The following ADAM12 variants were observed in gnomAD, a reference collection of about 807,000 sequenced individuals.
ADAM12 encodes the protein ADAM metallopeptidase domain 12.
ADAM12 carries 70 observed loss-of-function variants against 106.4 expected under a neutral mutation model. The ratio of observed to expected loss-of-function variants is 0.66; its 90% CI spans 0.54 to 0.80. ADAM12 has a LOEUF of 0.80. Ranked by LOEUF, ADAM12 falls within the 30% of genes least tolerant of loss-of-function variation. The pLI, the probability that ADAM12 is intolerant of heterozygous loss-of-function variation, is 0.00. For synonymous variants in ADAM12, 420 were observed against 433.5 expected, an observed-to-expected ratio of 0.97 and a Z score of 0.39; for missense variants, 1,010 against 1,171.9, an observed-to-expected ratio of 0.86 and a Z score of 2.02.
intron 1 of ADAM12, among the ~76,000 whole-genome samples, chr10:126,381,973 T>G (rs1230499875): frequency 3.8e-5 from 3 of 78,256 alleles, no homozygotes; most frequent in African/African-American, 1.3e-4. Flanking sequence ...AGACCCTGTC[T>G]CAAAAAAAAA....
chr10:126,200,165 A>G lies in ADAM12; in HGVS notation c.261-44860T>C, dbSNP rs146935235. 3.7e-3 allele frequency among the ~76,000 whole-genome samples: 563 copies of G among 152,236 alleles called. 1 individual carries two copies. The highest frequency in any genetic ancestry group is 0.01 in the Middle Eastern group (3 of 294). On this transcript the variant is annotated intron_variant, in intron 3 of 22. Transcript: ENST00000448723. ...CACATAATGAGGTGGAACAGGTGCAAGCTGTTAAGGTTGGCAAGAAGTGCA... is the reference window on the plus strand; with the variant it reads ...CACATAATGAGGTGGAACAGGTGCAGGCTGTTAAGGTTGGCAAGAAGTGCA...
intron 2 of ADAM12, among the ~76,000 whole-genome samples, chr10:126,307,480 A>G (rs965289126): frequency 2.6e-5 from 4 of 151,794 alleles, no homozygotes; most frequent in South Asian, 2.1e-4. Flanking sequence ...CAGCCTCCCA[A>G]CTAGCTGAGA....
intron 3 of ADAM12, among the ~76,000 whole-genome samples, chr10:126,173,326 A>T (rs1227775662): frequency 6.6e-6 from 1 of 152,232 alleles, no homozygotes; most frequent in African/African-American, 2.4e-5. Flanking sequence ...GACCTCAGAA[A>T]GGGGAGAACC....
Position 126,064,689 on chromosome 10 carries a change from T to C in ADAM12, c.1609+117A>G, listed in dbSNP as rs987206599. ...ACTCCCGACTGAACACACCGGATGC[T>C]GTGTGGACAGCGCCCGCCAGGAGTG... On this transcript the variant is annotated intron_variant, in intron 14 of 22. Transcript: ENST00000448723. This position sits in a 1 kb window ranked among gnomAD's most constrained non-coding sequence, Gnocchi z 4.4. 9.0e-7 allele frequency: 1 copy of C among 1,108,218 alleles called. No individual in the cohort carries two copies. Among genetic ancestry groups the C allele is most frequent in the Non-Finnish European group, 1.3e-6 (1 of 780,912 alleles). 68.6% of individuals were successfully genotyped at this position (1,108,218 alleles called of 1,614,324 possible). A position where few individuals can be genotyped will look rare whatever the true frequency, so the allele number is the denominator to read the frequency against.
In ADAM12 at chr10:126,039,431, T is replaced by C. The variant is rs1272669191; in HGVS notation, c.2105-2A>G. On this transcript the variant is annotated splice_acceptor_variant, in intron 18 of 22. Coordinates refer to ENST00000448723, the MANE Select transcript of ADAM12 (RefSeq NM_001288973.2). LOFTEE classifies it high-confidence loss of function. ...TTCCTATGGTTAAACCTTGGTTATCTGAAACAAAACACATGGGGCTCACAG... is the reference window on the plus strand; with the variant it reads ...TTCCTATGGTTAAACCTTGGTTATCCGAAACAAAACACATGGGGCTCACAG... The C allele has an allele frequency of 3.7e-6, 6 of 1,613,852 alleles. No individual in the cohort carries two copies.
intron 3 of ADAM12, among the ~76,000 whole-genome samples, chr10:126,181,324 G>A (rs1051721317): frequency 6.6e-6 from 1 of 152,008 alleles, no homozygotes; most frequent in South Asian, 2.1e-4. Flanking sequence ...CAACACCCTC[G>A]GTTTTCCAAA....
intron 3 of ADAM12, among the ~76,000 whole-genome samples, chr10:126,168,720 A>G (rs1327163834): frequency 6.6e-6 from 1 of 152,142 alleles, no homozygotes; most frequent in Non-Finnish European, 1.5e-5. Flanking sequence ...CACTTAAAAC[A>G]CTGCACTGCT....
intron 3 of ADAM12, among the ~76,000 whole-genome samples, chr10:126,161,896 A>G (rs1055824481): frequency 1.3e-5 from 2 of 152,170 alleles, no homozygotes; most frequent in Non-Finnish European, 2.9e-5. Context: ...GTGAATGCAT[A>G]ATTTCATGAG....
At chr10:126,206,687 G>C (rs752755203) in intron 3 of ADAM12, among the ~76,000 whole-genome samples, 3 of 152,194 alleles carry the variant, frequency 2.0e-5, no homozygotes, top group Non-Finnish European at 4.4e-5. Context: ...AAAGAAACAT[G>C]CAAGAATCAT....
intron 11 of ADAM12, among the ~76,000 whole-genome samples, chr10:126,075,708 A>C (rs1955088037): frequency 6.6e-6 from 1 of 152,202 alleles, no homozygotes; most frequent in African/African-American, 2.4e-5. Context: ...AAGTGTCTGC[A>C]GACAGGACTG....
At chr10:126,296,822 T>C (rs1353958556) in intron 2 of ADAM12, among the ~76,000 whole-genome samples, 1 of 152,232 alleles carries the variant, frequency 6.6e-6, no homozygotes, top group African/African-American at 2.4e-5. Flanking sequence ...TCTGCTTAGC[T>C]AGTTTTTTGT....
At chr10:126,159,670 T>C (rs1676731) in intron 3 of ADAM12, among the ~76,000 whole-genome samples, 85,824 of 151,904 alleles carry the variant, frequency 0.56, 24,948 homozygotes, top group East Asian at 0.74. Flanking sequence ...GAAAAGTCCA[T>C]CAGGAAAGCT....
intron 18 of ADAM12, among the ~76,000 whole-genome samples, 187 bp from the exon 19 acceptor site, chr10:126,039,616 A>G (rs1954124531): frequency 6.6e-6 from 1 of 152,242 alleles, no homozygotes; most frequent in Non-Finnish European, 1.5e-5. Flanking sequence ...CTATGTTACC[A>G]TCATTCATTT....
chr10:126,269,494 T>A (rs1010081963), intron 3 of ADAM12, among the ~76,000 whole-genome samples: 5 of 151,866 alleles, frequency 3.3e-5, no homozygotes, highest in Admixed American at 2.6e-4. Context: ...CTAGAAAAAA[T>A]CCAGAAGAGA....
intron 12 of ADAM12, among the ~76,000 whole-genome samples, chr10:126,070,944 C>T (rs559056928): frequency 3.0e-4 from 45 of 152,278 alleles, no homozygotes; most frequent in African/African-American, 1.0e-3. Context: ...TAGATAAAAA[C>T]GTTCCCTGCC....
rs561458163 is a variant in ADAM12, at chr10:126,222,327, G to A, written c.260+56588C>T. Among the ~76,000 whole-genome samples the A allele has an allele frequency of 7.9e-4, 120 of 152,060 alleles. 1 individual carries two copies. Among genetic ancestry groups the A allele is most frequent in the Non-Finnish European group, 1.2e-3 (83 of 67,982 alleles). On this transcript the variant is annotated intron_variant, in intron 3 of 22. Coordinates refer to ENST00000448723, the MANE Select transcript of ADAM12 (RefSeq NM_001288973.2). ...TGAGGTCTCACGTGAAATTGAATTG[G>A]CAGGTTCATAAAGCATGGTGCCATT...
rs564142757 is a variant in ADAM12 at position 126,064,133 on chromosome 10, C to A, written c.1609+673G>T. ...GGGCTTGTTGGAGGGTCAGAAGAGA[C>A]AAAGTGTGCCAAGTGCCCAGCCTGA... On this transcript the variant is annotated intron_variant, in intron 14 of 22. Coordinates refer to ENST00000448723, the MANE Select transcript of ADAM12 (RefSeq NM_001288973.2). The surrounding 1 kb of genome is among the most constrained non-coding windows in gnomAD (Gnocchi z 4.4). Among the ~76,000 whole-genome samples, 624 of 152,310 alleles carry A rather than the reference C, an allele frequency of 4.1e-3. 5 individuals are homozygous for A. The highest frequency in any genetic ancestry group is 0.015 in the African/African-American group (603 of 41,566).
intron 3 of ADAM12, among the ~76,000 whole-genome samples, chr10:126,253,464 G>T (rs957903923): frequency 6.6e-6 from 1 of 152,180 alleles, no homozygotes; most frequent in African/African-American, 2.4e-5. Flanking sequence ...CTGCTCTACT[G>T]AATGAGCTCA....
intron 4 of ADAM12, among the ~76,000 whole-genome samples, chr10:126,142,518 G>A (rs1478640645): frequency 1.3e-5 from 2 of 152,240 alleles, no homozygotes; most frequent in East Asian, 3.8e-4. Context: ...GGGTGGGCCA[G>A]GTGTTCCTTG....
Sources: allele counts gnomAD v4.1 joint callset (sites outside exome capture counted in the v4.1 genomes callset), GRCh38; gene constraint gnomAD v4.1.1; non-coding constraint Gnocchi (gnomAD v3.1); transcripts MANE v1.5; gene names NCBI Gene and HGNC (gene_info 2026-07-23, HGNC 2026-07-21).